The following GPHN variants were observed in gnomAD, a reference collection of about 807,000 sequenced individuals.
GPHN encodes the protein gephyrin.
Under a neutral mutation model 95.5 loss-of-function variants are expected in GPHN, and 17 were observed. The observed-to-expected ratio is 0.18, with a 90% CI of 0.12 to 0.27. GPHN has a LOEUF of 0.27. Ranked by LOEUF, GPHN falls within the 10% of genes least tolerant of loss-of-function variation. The probability of loss-of-function intolerance (pLI) is 1.00; values close to 1 mark genes in which losing one functional copy is unlikely to be tolerated. For missense variants in GPHN, 660 were observed against 978.1 expected (o/e 0.67, Z 4.34); for synonymous variants, 320 against 322.5 (o/e 0.99, Z 0.08).
At chr14:67,252,697 T>G in the GPHN span, among the ~76,000 whole-genome samples, 3 of 152,236 alleles carry the variant, frequency 2.0e-5, no homozygotes, top group African/African-American at 7.2e-5. Flanking sequence ...GACCCACACA[T>G]TTGATGTCAT....
At chr14:67,476,841 A>G in the GPHN span, among the ~76,000 whole-genome samples, 1 of 151,686 alleles carries the variant, frequency 6.6e-6, no homozygotes, top group Non-Finnish European at 1.5e-5. Context: ...AATGCTCGAT[A>G]GTGGCTGGGC....
chr14:67,378,860 C>T, the GPHN span, among the ~76,000 whole-genome samples: 1 of 152,200 alleles, frequency 6.6e-6, no homozygotes, highest in Non-Finnish European at 1.5e-5. Context: ...GACCTATTTT[C>T]CTCACTTATC....
At chr14:66,946,328 C>T (rs1397642781) in intron 8 of GPHN, among the ~76,000 whole-genome samples, 1 of 152,002 alleles carries the variant, frequency 6.6e-6, no homozygotes, top group Non-Finnish European at 1.5e-5. Context: ...TGATGTAGAT[C>T]CTAGGTAAAG....
chr14:67,387,556 A>G, the GPHN span: 9 of 1,170,808 alleles, frequency 7.7e-6, no homozygotes, highest in Non-Finnish European at 1.1e-5. Flanking sequence ...ACAAAAACAT[A>G]CAATGATGTA....
the GPHN span, among the ~76,000 whole-genome samples, chr14:67,667,002 T>C: frequency 6.6e-6 from 1 of 152,116 alleles, no homozygotes; most frequent in Non-Finnish European, 1.5e-5. Context: ...CTGGGGAGAA[T>C]GGGCACCATG....
At chr14:66,617,842 T>C (rs1163600474) in intron 1 of GPHN, among the ~76,000 whole-genome samples, 1 of 152,238 alleles carries the variant, frequency 6.6e-6, no homozygotes, top group Non-Finnish European at 1.5e-5. Context: ...AAACCTTCCA[T>C]GTATTCATTT....
intron 16 of GPHN, among the ~76,000 whole-genome samples, chr14:67,115,689 C>T (rs1179417248): frequency 6.6e-6 from 1 of 151,398 alleles, no homozygotes; most frequent in East Asian, 1.9e-4. Flanking sequence ...GAGCTGAGAT[C>T]GTGCCACGGC....
intron 5 of GPHN, among the ~76,000 whole-genome samples, chr14:66,882,348 A>C (rs963700664): frequency 6.6e-6 from 1 of 151,808 alleles, no homozygotes; most frequent in African/African-American, 2.4e-5. Context: ...AGGTAAATTA[A>C]TGCATCAAGT....
At chr14:67,338,679 A>G in the GPHN span, 1 of 1,613,652 alleles carries the variant, frequency 6.2e-7, no homozygotes, top group Non-Finnish European at 8.5e-7. Context: ...AGGCTCCAAC[A>G]CCTCTCCAGC....
chr14:66,608,916 T>C (rs2062662952), intron 1 of GPHN, among the ~76,000 whole-genome samples: 2 of 152,148 alleles, frequency 1.3e-5, no homozygotes, highest in Admixed American at 6.5e-5. Context: ...AGCAGACAGT[T>C]GGATCTTGTC....
At chr14:67,642,194 C>G in the GPHN span, 4 of 1,613,814 alleles carry the variant, frequency 2.5e-6, no homozygotes, top group South Asian at 4.4e-5. Context: ...AGGCTGCCAC[C>G]TAAAAGACTT....
intron 1 of GPHN, among the ~76,000 whole-genome samples, chr14:66,562,347 T>G (rs2060289765): frequency 6.6e-6 from 1 of 152,190 alleles, no homozygotes; most frequent in South Asian, 2.1e-4. Flanking sequence ...AAAATAAGTT[T>G]GTGAGGTGAT....
the GPHN span, among the ~76,000 whole-genome samples, chr14:67,259,880 GA>G: frequency 0.36 from 40,398 of 111,844 alleles, 7,484 homozygotes; most frequent in African/African-American, 0.58. Context: ...CTCCATCTAA[GA>G]AAAAAAAAAA....
At chr14:66,530,953 A>ATT (rs569763873) in intron 1 of GPHN, among the ~76,000 whole-genome samples, 30,063 of 121,014 alleles carry the variant, frequency 0.25, 6,257 homozygotes, top group African/African-American at 0.53. Flanking sequence ...TGTTTGTTAG[A>ATT]TTTTTTTTTT....
intron 2 of GPHN, among the ~76,000 whole-genome samples, chr14:66,749,345 T>C (rs2058281656): frequency 6.6e-6 from 1 of 151,996 alleles, no homozygotes. Flanking sequence ...TTTCAATTCC[T>C]TTGAGTAAAT....
chr14:67,587,105 A>G, the GPHN span: 1 of 1,613,034 alleles, frequency 6.2e-7, no homozygotes, highest in Non-Finnish European at 8.5e-7. Flanking sequence ...ATGGCCAGCT[A>G]TATGAACCAT....
chr14:67,001,517 TA>T (rs1261422895), intron 9 of GPHN, among the ~76,000 whole-genome samples: 1 of 151,664 alleles, frequency 6.6e-6, no homozygotes. Context: ...CTTTCAATGG[TA>T]ATGTTCTTAA....
At chr14:66,925,463 C>T (rs1481619223) in intron 8 of GPHN, among the ~76,000 whole-genome samples, 1 of 152,100 alleles carries the variant, frequency 6.6e-6, no homozygotes, top group African/African-American at 2.4e-5. Context: ...ATCATTCTAC[C>T]ATCTTTATCT....
chr14:67,589,059 G>A, the GPHN span: 1 of 152,642 alleles, frequency 6.6e-6, no homozygotes, highest in African/African-American at 2.4e-5. Flanking sequence ...ATTCCTGCAG[G>A]GCTGGTGACA....
Sources: gnomAD v4.1 joint callset for allele counts (sites outside exome capture counted in the v4.1 genomes callset) on GRCh38, gnomAD v4.1.1 for gene constraint, MANE v1.5 for transcripts, NCBI Gene and HGNC (gene_info 2026-07-23, HGNC 2026-07-21) for gene names.